GPA33: variants seen among roughly 807,000 people sequenced by gnomAD.
The protein encoded by GPA33 is glycoprotein A33, also known as cell surface A33 antigen.
GPA33 carries 27 observed loss-of-function variants against 35.6 expected under a neutral mutation model. That is an observed-to-expected ratio of 0.76 (90% confidence interval 0.56 to 1.04). The LOEUF (loss-of-function observed/expected upper bound fraction) is 1.04, where lower values mean the gene tolerates loss of function less well. GPA33 is among the 50% of genes least tolerant of loss of function. The probability of loss-of-function intolerance (pLI) is 0.00; values close to 1 mark genes in which losing one functional copy is unlikely to be tolerated. For synonymous variants in GPA33, 176 were observed against 164.0 expected, an observed-to-expected ratio of 1.07 and a Z score of -0.56; for missense variants, 428 against 411.9, an observed-to-expected ratio of 1.04 and a Z score of -0.34.
intron 1 of GPA33, among the ~76,000 whole-genome samples, chr1:167,076,138 T>G (rs1260659186): frequency 6.6e-6 from 1 of 152,206 alleles, no homozygotes; most frequent in Non-Finnish European, 1.5e-5. Context: ...AAGAGGAGTT[T>G]ACGCCCTTTT....
chr1:167,083,732 TAGG>T (rs754343803), intron 1 of GPA33, among the ~76,000 whole-genome samples: 5 of 151,066 alleles, frequency 3.3e-5, no homozygotes, highest in Non-Finnish European at 7.4e-5. Flanking sequence ...CTTGAGAAAA[TAGG>T]AGAAGAGATG....
At chr1:167,082,211 A>G (rs1245278858) in intron 1 of GPA33, 8 of 454,192 alleles carry the variant, frequency 1.8e-5, no homozygotes, top group Non-Finnish European at 3.5e-5. Context: ...TTCTAGAAGA[A>G]AATACACCAA....
intron 3 of GPA33, 128 bp from the exon 4 acceptor site, chr1:167,063,865 G>A: frequency 4.9e-6 from 3 of 616,650 alleles, no homozygotes; most frequent in Non-Finnish European, 8.0e-6. Flanking sequence ...AAACTCCATA[G>A]TTGAGTAGTG....
chr1:167,081,273 A>T (rs1308138817), intron 1 of GPA33, among the ~76,000 whole-genome samples: 1 of 152,202 alleles, frequency 6.6e-6, no homozygotes, highest in Non-Finnish European at 1.5e-5. Context: ...CACTTGGGAA[A>T]ATCTATTTGC....
chr1:167,058,708 C>T (rs1447155416), intron 4 of GPA33, among the ~76,000 whole-genome samples: 1 of 152,112 alleles, frequency 6.6e-6, no homozygotes, highest in Non-Finnish European at 1.5e-5. Flanking sequence ...ACATTGTTTA[C>T]ATGTGATATT....
At chr1:167,075,637 TG>T (rs1666809260) in intron 1 of GPA33, among the ~76,000 whole-genome samples, 3 of 152,156 alleles carry the variant, frequency 2.0e-5, no homozygotes, top group African/African-American at 7.2e-5. Flanking sequence ...TATGTAAGTC[TG>T]GAGTGCCACA....
intron 4 of GPA33, among the ~76,000 whole-genome samples, chr1:167,060,447 C>T (rs921881942): frequency 2.0e-5 from 3 of 152,180 alleles, no homozygotes; most frequent in East Asian, 1.9e-4. Flanking sequence ...GCCCTCACCC[C>T]GCAATGTCTC....
chr1:167,056,927 CTGTGTGTGG>C (rs768429631), intron 4 of GPA33, among the ~76,000 whole-genome samples: 5,511 of 21,238 alleles, frequency 0.26, 146 homozygotes, highest in Middle Eastern at 0.43. Context: ...GTGGTGTGTA[CTGTGTGTGG>C]TGTGTGTGGC....
At chr1:167,064,085 C>A (rs1666534596) in intron 3 of GPA33, among the ~76,000 whole-genome samples, 1 of 152,002 alleles carries the variant, frequency 6.6e-6, no homozygotes, top group Non-Finnish European at 1.5e-5. Context: ...GAGTTTGAGA[C>A]CAGCCTGGTC....
At chr1:167,079,542 C>A (rs1296733099) in intron 1 of GPA33, among the ~76,000 whole-genome samples, 1 of 151,454 alleles carries the variant, frequency 6.6e-6, no homozygotes, top group African/African-American at 2.4e-5. Context: ...AAATGTGGAG[C>A]ACTCTTTCAA....
chr1:167,063,553 G>A (rs1323482632), intron 4 of GPA33, 29 bp downstream of exon 4: 11 of 1,577,774 alleles, frequency 7.0e-6, no homozygotes, highest in Middle Eastern at 2.2e-4. Flanking sequence ...TTTGACGTGG[G>A]GAGCCCGCCT....
chr1:167,056,666 AGTGTGTGATGTG>A (rs1666277493), intron 4 of GPA33, among the ~76,000 whole-genome samples: 13 of 1,434 alleles, frequency 9.1e-3, no homozygotes, highest in East Asian at 0.017. Context: ...TGGTACGGTG[AGTGTGTGATGTG>A]TCTGGTGTGT....
intron 6 of GPA33, 52 bp from the exon 7 acceptor site, chr1:167,054,518 C>T: frequency 6.2e-7 from 1 of 1,612,178 alleles, no homozygotes; most frequent in South Asian, 1.1e-5. Context: ...GGTGGACCCT[C>T]AAGGGAGCTG....
At chr1:167,058,325 T>C (rs1485155863) in intron 4 of GPA33, 2 of 152,226 alleles carry the variant, frequency 1.3e-5, no homozygotes, top group Non-Finnish European at 1.5e-5. Flanking sequence ...TAGCTGCTGA[T>C]CACAGCTATA....
chr1:167,071,790 G>A (rs1009963277), intron 2 of GPA33, among the ~76,000 whole-genome samples: 1 of 152,076 alleles, frequency 6.6e-6, no homozygotes, highest in African/African-American at 2.4e-5. Flanking sequence ...GACCTGCTAG[G>A]ACCTGTCACA....
At chr1:167,066,103 G>A (rs1020183623) in intron 3 of GPA33, among the ~76,000 whole-genome samples, 6 of 152,158 alleles carry the variant, frequency 3.9e-5, no homozygotes, top group Admixed American at 3.3e-4. Context: ...GCCTTGAATC[G>A]GAAGCAAAGG....
At chr1:167,062,646 C>CTTTTTTTTTTTTTTTTT (rs768326263) in intron 4 of GPA33, among the ~76,000 whole-genome samples, 4 of 79,990 alleles carry the variant, frequency 5.0e-5, no homozygotes, top group Non-Finnish European at 9.4e-5. Flanking sequence ...ATAGCTCTTT[C>CTTTTTTTTTTTTTTTTT]TTTTTTTTTT....
In GPA33 at chr1:167,055,070, C is replaced by G; in HGVS notation, c.733G>C (p.Val245Leu). The change falls in exon 6 of 7, where the codon GTG (valine) becomes CTG (leucine). Residue 245 changes from valine to leucine, a missense_variant. Coordinates refer to ENST00000367868, the MANE Select transcript of GPA33 (RefSeq NM_005814.3). ...CCAATGATAATGAGGGCTGCAACCA[C>G]GCCCACCGCGATGCCCACATACAGG... ...VALYVGIAVG[V>L]VAALIIIGII... 6.2e-7 allele frequency: 1 copy of G among 1,613,736 alleles called. No individual in the cohort carries two copies. The highest frequency in any genetic ancestry group is 8.5e-7 in the Non-Finnish European group (1 of 1,179,968).
chr1:167,073,999 T>G (rs1047781222), intron 1 of GPA33, among the ~76,000 whole-genome samples: 2 of 151,922 alleles, frequency 1.3e-5, no homozygotes, highest in South Asian at 4.2e-4. Context: ...ATTCTCTCAT[T>G]TAACAAGTAT....
Sources: allele counts gnomAD v4.1 joint callset (sites outside exome capture counted in the v4.1 genomes callset), GRCh38; gene constraint gnomAD v4.1.1; transcripts MANE v1.5; gene names NCBI Gene and HGNC (gene_info 2026-07-23, HGNC 2026-07-21).